The following RABEPK variants were observed in gnomAD, a reference collection of about 807,000 sequenced individuals.
RABEPK encodes the protein Rab9 effector protein with kelch motifs, also known as 40 kDa Rab9 effector protein.
A neutral mutation model predicts 34.1 loss-of-function variants in RABEPK; 27 were observed. That is an observed-to-expected ratio of 0.79 (90% CI 0.58 to 1.09). The LOEUF (loss-of-function observed/expected upper bound fraction) is 1.09, where lower values mean the gene tolerates loss of function less well. Ranked by LOEUF, RABEPK falls within the 50% of genes least tolerant of loss-of-function variation. The probability of loss-of-function intolerance (pLI) is 0.00; values close to 1 mark genes in which losing one functional copy is unlikely to be tolerated. For missense variants in RABEPK, 449 were observed against 462.6 expected (o/e 0.97, Z 0.27); for synonymous variants, 172 against 169.2 (o/e 1.02, Z -0.13).
intron 6 of RABEPK, among the ~76,000 whole-genome samples, chr9:125,231,894 ATTTTTTTTTTT>A (rs555538576): frequency 8.9e-6 from 1 of 112,662 alleles, no homozygotes; most frequent in Non-Finnish European, 1.8e-5. Flanking sequence ...AAGGAACTGT[ATTTTTTTTTTT>A]TTTTTTTTTT....
intron 3 of RABEPK, 125 bp downstream of exon 3, chr9:125,207,846 C>G: frequency 8.3e-7 from 1 of 1,206,532 alleles, no homozygotes; most frequent in Non-Finnish European, 1.2e-6. Context: ...ATGGCCAGGA[C>G]CAGGTGTGGT....
Position 125,228,057 on chromosome 9 carries a change from T to C in RABEPK, c.674T>C (p.Ile225Thr), listed in dbSNP as rs573497303. ...TATGATGACCTCCACTGCATTGATA[T>C]AAGTAAGCAGGGCATGGGGGCTTGT... The part of the protein sequence containing the change: ...RFYDDLHCID[I>T]SDMKWQKLNP... The change falls in exon 6 of 8, where the codon ATA (isoleucine) becomes ACA (threonine). Residue 225 changes from isoleucine to threonine, a missense_variant and splice_region_variant. Coordinates refer to ENST00000373538, the MANE Select transcript of RABEPK (RefSeq NM_005833.4). The C allele has an allele frequency of 3.9e-6, 6 of 1,552,730 alleles. No homozygotes were observed. The highest frequency in any genetic ancestry group is 1.9e-5 in the Admixed American group (1 of 52,862).
intron 4 of RABEPK, 64 bp from the exon 5 acceptor site, chr9:125,220,475 C>T (rs1831245536): frequency 1.3e-6 from 2 of 1,538,462 alleles, no homozygotes; most frequent in African/African-American, 2.8e-5. Context: ...CACTCAGCCC[C>T]AGAGTCAAGG....
intron 4 of RABEPK, among the ~76,000 whole-genome samples, chr9:125,219,172 C>CTTTTTTTT (rs11349958): frequency 8.2e-6 from 1 of 122,440 alleles, no homozygotes; most frequent in Non-Finnish European, 1.7e-5. Context: ...ATAGTATTGT[C>CTTTTTTTT]TTTTTTTTTT....
In RABEPK at chr9:125,200,637, G is replaced by T. The variant is rs501963; in HGVS notation, c.-276G>T. On this transcript the variant is annotated 5_prime_UTR_variant, in exon 1 of 8. Transcript: ENST00000373538. ...GGTCCCCGGATACCGGGTCTATCAC[G>T]GTCTCGGGCAGGGAGTCTGAATCTT... 15 of 468,030 alleles carry T rather than the reference G, an allele frequency of 3.2e-5. No homozygotes were observed. Among genetic ancestry groups the T allele is most frequent in the Admixed American group, 7.1e-5 (3 of 42,438 alleles). The allele number at this position is 468,030 out of a possible 1,614,324, so 29.0% of individuals were successfully genotyped here. A position where few individuals can be genotyped will look rare whatever the true frequency, so the allele number is the denominator to read the frequency against.
chr9:125,221,707 G>T (rs1284270031), intron 5 of RABEPK: 2 of 144,466 alleles, frequency 1.4e-5, no homozygotes, highest in Middle Eastern at 3.9e-3. Context: ...ATGGAGTCTC[G>T]CTCTGTTGCC....
At chr9:125,201,017 C>A (rs1829873485) in intron 1 of RABEPK, 111 bp downstream of exon 1, 1 of 365,152 alleles carries the variant, frequency 2.7e-6, no homozygotes, top group Non-Finnish European at 5.5e-6. Flanking sequence ...ATGGATCTGA[C>A]AGGCCCAGCC....
At chr9:125,227,253 A>G (rs1831826073) in intron 5 of RABEPK, among the ~76,000 whole-genome samples, 1 of 152,138 alleles carries the variant, frequency 6.6e-6, no homozygotes, top group African/African-American at 2.4e-5. Flanking sequence ...TGTCACAGAA[A>G]CAGACTCATT....
intron 5 of RABEPK, among the ~76,000 whole-genome samples, chr9:125,226,659 A>C (rs538901509): frequency 7.1e-4 from 108 of 151,774 alleles, no homozygotes; most frequent in African/African-American, 2.6e-3. Flanking sequence ...AGGTCAAGAG[A>C]TCAAGACCAG....
chr9:125,211,886 T>C (rs1830609892), intron 3 of RABEPK, among the ~76,000 whole-genome samples: 1 of 152,088 alleles, frequency 6.6e-6, no homozygotes, highest in African/African-American at 2.4e-5. Context: ...GGAGAATTGC[T>C]TGAACCTGGG....
chr9:125,225,975 G>A lies in RABEPK; in HGVS notation c.527-1935G>A, dbSNP rs10986650. Among the ~76,000 whole-genome samples, 1,215 of 136,988 alleles carry A rather than the reference G, an allele frequency of 8.9e-3. 15 individuals carry two copies. The highest frequency in any genetic ancestry group is 0.032 in the African/African-American group (1,160 of 36,812). 89.9% of individuals were successfully genotyped at this position (136,988 alleles called of 152,430 possible). On this transcript the variant is annotated intron_variant, in intron 5 of 7. Coordinates refer to ENST00000373538, the MANE Select transcript of RABEPK (RefSeq NM_005833.4). ...AAGACTCTGTTTCAAAAAAAAAAAAGAAAAAGAAAAAGAAAAAAAAAAAAT... is the reference window on the plus strand; with the variant it reads ...AAGACTCTGTTTCAAAAAAAAAAAAAAAAAAGAAAAAGAAAAAAAAAAAAT...
At chr9:125,209,508 C>T (rs1477570833) in intron 3 of RABEPK, among the ~76,000 whole-genome samples, 1 of 152,148 alleles carries the variant, frequency 6.6e-6, no homozygotes, top group Non-Finnish European at 1.5e-5. Flanking sequence ...TGCCACCAGC[C>T]TGGCTAATTT....
chr9:125,223,928 C>T (rs552953181), intron 5 of RABEPK, among the ~76,000 whole-genome samples: 10 of 151,970 alleles, frequency 6.6e-5, no homozygotes, highest in African/African-American at 2.4e-4. Flanking sequence ...GGCTCATGCC[C>T]GTAATCCTTT....
At chr9:125,220,844 T>TA in intron 5 of RABEPK, 144 bp downstream of exon 5, 1 of 1,086,846 alleles carries the variant, frequency 9.2e-7, no homozygotes, top group Non-Finnish European at 1.2e-6. Flanking sequence ...AGCTGATATC[T>TA]TTTTCCCACA....
intron 7 of RABEPK, 112 bp downstream of exon 7, chr9:125,232,857 C>A (rs981708583): frequency 2.7e-6 from 3 of 1,128,758 alleles, no homozygotes; most frequent in African/African-American, 1.6e-5. Context: ...GCAGGCAGAT[C>A]ACGAGGTCAG....
rs541174094 is a variant in RABEPK at position 125,233,730 on chromosome 9, C to A, written c.869C>A (p.Pro290His). Residue 290 changes from proline to histidine, a missense_variant, in exon 8 of 8, where the codon CCC (proline) becomes CAC (histidine). Physicochemically the swap from Pro to His is moderately conservative, Grantham distance 77. Transcript: ENST00000373538. ...TTGCTTAAATTTGATACTCTTCTAC[C>A]CCCTGGACGATTGGACCATTCCATG... ...WTLLKFDTLLPPGRLDHSMCI... is the reference protein window; with the variant it reads ...WTLLKFDTLLHPGRLDHSMCI... 6.2e-7 allele frequency: 1 copy of A among 1,614,068 alleles called. No individual in the cohort carries two copies. Among genetic ancestry groups the A allele is most frequent in the South Asian group, 1.1e-5 (1 of 91,076 alleles).
chr9:125,203,608 A>G (rs1411206455), intron 2 of RABEPK, among the ~76,000 whole-genome samples: 3 of 152,338 alleles, frequency 2.0e-5, no homozygotes, highest in South Asian at 4.1e-4. Flanking sequence ...CAGTTCTTCA[A>G]CAGGACCTTG....
intron 1 of RABEPK, 98 bp downstream of exon 1, chr9:125,201,004 G>T (rs1490311634): frequency 5.4e-6 from 2 of 373,776 alleles, no homozygotes; most frequent in Non-Finnish European, 5.4e-6. Flanking sequence ...GTAGGTTCTC[G>T]GAATGGATCT....
chr9:125,203,234 G>C (rs552896847), intron 2 of RABEPK, among the ~76,000 whole-genome samples, 168 bp downstream of exon 2: 1 of 152,254 alleles, frequency 6.6e-6, no homozygotes, highest in East Asian at 1.9e-4. Context: ...GAAAGATAGG[G>C]GGGCAGTAAT....
Sources: gnomAD v4.1 joint callset for allele counts (sites outside exome capture counted in the v4.1 genomes callset) on GRCh38, gnomAD v4.1.1 for gene constraint, MANE v1.5 for transcripts, NCBI Gene and HGNC (gene_info 2026-07-23, HGNC 2026-07-21) for gene names.